Variants in HSPG2 observed in about 807,000 individuals in gnomAD.
The protein encoded by HSPG2 is heparan sulfate proteoglycan 2.
A neutral mutation model predicts 526.6 loss-of-function variants in HSPG2; 278 were observed. That is an observed-to-expected ratio of 0.53 (90% confidence interval 0.48 to 0.58). The LOEUF is 0.58. Among genes scored for constraint, HSPG2 ranks in the 20% least tolerant of loss-of-function variants. HSPG2 has a pLI of 0.00. For missense variants in HSPG2, 5,354 were observed against 6,099.5 expected (o/e 0.88, Z 4.07); for synonymous variants, 2,465 against 2,555.4 (o/e 0.96, Z 1.07).
intron 1 of HSPG2, among the ~76,000 whole-genome samples, chr1:21,930,563 C>G (rs1044600867): frequency 6.6e-5 from 10 of 152,254 alleles, no homozygotes; most frequent in East Asian, 5.8e-4. Flanking sequence ...CACTTGAGGT[C>G]AGGAGTTCAA....
At chr1:21,896,410 A>G (rs1642750969) in intron 1 of HSPG2, 100 bp from the exon 2 acceptor site, 1 of 1,409,102 alleles carries the variant, frequency 7.1e-7, no homozygotes, top group African/African-American at 1.4e-5. Context: ...TCCCACCTTC[A>G]GGCCCCTTAG....
At position 21,826,612 on chromosome 1, in the gene HSPG2, C is replaced by G. The variant is rs562436913; in HGVS notation, c.12589+1251G>C. On this transcript the variant is annotated intron_variant, in intron 91 of 96. Transcript: ENST00000374695. ...GCAACCTCCACCTCCCAGGTTCAAG[C>G]GATTCTCCTGCCTCAGCCTCCGGAG... Among the ~76,000 whole-genome samples the G allele has an allele frequency of 5.3e-5, 8 of 152,090 alleles. No homozygotes were observed. In the East Asian group the frequency reaches 1.6e-3, roughly 30 times the overall value.
chr1:21,873,902 A>G (rs1297609608), intron 29 of HSPG2, 23 bp downstream of exon 29: 3 of 1,545,436 alleles, frequency 1.9e-6, no homozygotes, highest in Non-Finnish European at 2.6e-6. Context: ...GCATCCCCCC[A>G]CCCTCTCCAC....
rs751619603 is a variant in HSPG2 at position 21,850,424 on chromosome 1, G to A, written c.7233C>T (p.Gly2411=). The A allele has an allele frequency of 9.9e-6, 16 of 1,611,596 alleles. No individual in the cohort carries two copies. Among genetic ancestry groups the A allele is most frequent in the Admixed American group, 1.7e-5 (1 of 59,822 alleles). The change falls in exon 56 of 97, where the codon GGC becomes GGT. Residue 2411 remains glycine, a synonymous_variant. Transcript: ENST00000374695. ...CAGAGGCCTCTAGAGGCACGGAGCT[G>A]CCCAACACTCGGCACACGTACTCGC... is the stretch of plus-strand genomic sequence containing the variant. The part of the protein sequence containing the change: ...DSGEYVCRVL[G]SSVPLEASVL...
chr1:21,882,442 C>CACACAG (rs1218003388), intron 13 of HSPG2, among the ~76,000 whole-genome samples: 2 of 146,876 alleles, frequency 1.4e-5, no homozygotes, highest in African/African-American at 5.0e-5. Context: ...CACACACACA[C>CACACAG]AGTCACCCTA....
At chr1:21,868,905 G>A (rs914646014) in intron 33 of HSPG2, 32 of 982,402 alleles carry the variant, frequency 3.3e-5, no homozygotes, top group African/African-American at 2.8e-4. Flanking sequence ...AGGAAGGCCC[G>A]GGGCAGCTGC....
Position 21,823,428 on chromosome 1 carries a change from C to T in HSPG2, c.13064G>A (p.Cys4355Tyr). The T allele has an allele frequency of 1.3e-6, 2 of 1,589,060 alleles. No homozygotes were observed. The highest frequency in any genetic ancestry group is 1.7e-6 in the Non-Finnish European group (2 of 1,172,328). ...GGRFSSGITG[C>Y]VKNLVLHSAR... is the part of the protein sequence containing the mutation. Reference sequence around the variant, plus strand: ...CGAGTGCAGCACCAGGTTCTTGACACAGCCTGTGATGCCTGAGGAGAATCT... The same window carrying T: ...CGAGTGCAGCACCAGGTTCTTGACATAGCCTGTGATGCCTGAGGAGAATCT... The change falls in exon 97 of 97, where the codon TGT becomes TAT. Residue 4355 changes from cysteine to tyrosine, a missense_variant. Physicochemically the swap from Cys to Tyr is radical, Grantham distance 194 (BLOSUM62 -2). Transcript: ENST00000374695.
chr1:21,936,561 C>G (rs1557847575), intron 1 of HSPG2, among the ~76,000 whole-genome samples: 3 of 152,202 alleles, frequency 2.0e-5, no homozygotes, highest in Admixed American at 6.5e-5. Context: ...TGCCCCAGGT[C>G]ACACAGTTAC....
Position 21,824,379 on chromosome 1 carries a change from GC to G in HSPG2, c.12745-4del, listed in dbSNP as rs2097962589. The G allele has an allele frequency of 6.2e-7, 1 of 1,613,818 alleles. No individual in the cohort carries two copies. Among genetic ancestry groups the G allele is most frequent in the African/African-American group, 1.3e-5 (1 of 75,062 alleles). On this transcript the variant is annotated splice_polypyrimidine_tract_variant and splice_region_variant and intron_variant, in intron 93 of 96. Coordinates refer to ENST00000374695, the MANE Select transcript of HSPG2 (RefSeq NM_005529.7). This position sits in a 1 kb window ranked among gnomAD's most constrained non-coding sequence, Gnocchi z 5.9. ...CCTTGGCCGGCCTCTCCCACCTCCT[GC>G]CAGGGAAGCACAGGGTCTCTGGGGT...
In HSPG2 at chr1:21,843,337, G is replaced by C. The variant is rs532659701; in HGVS notation, c.8718C>G (p.Val2906=). Residue 2906 remains valine (V), a synonymous_variant, in exon 66 of 97, where the codon GTC becomes GTG. Coordinates refer to ENST00000374695, the MANE Select transcript of HSPG2 (RefSeq NM_005529.7). The part of the protein sequence containing the change: ...TGSSGTLEAS[V]LVTIEPSSPG... ...GGCTGGAGGGCTCAATTGTGACCAG[G>C]ACAGATGCCTCCAGGGTGCCTGAGC... 9.4e-5 allele frequency: 151 copies of C among 1,614,126 alleles called. 1 individual carries two copies. The Admixed American group carries it at 2.5e-3, about 26-fold the overall frequency.
chr1:21,872,499 A>G lies in HSPG2; in HGVS notation c.4029+121T>C. On this transcript the variant is annotated intron_variant, in intron 32 of 96. Coordinates refer to ENST00000374695, the MANE Select transcript of HSPG2 (RefSeq NM_005529.7). The surrounding 1 kb of genome is among the most constrained non-coding windows in gnomAD (Gnocchi z 5.5). ...TGTTGAGATCAGGACTGCGAGAGAA[A>G]TAATGGGGGCATGTGAGGGTACTGA... 5.7e-6 allele frequency: 8 copies of G among 1,415,904 alleles called. No individual in the cohort carries two copies. Among genetic ancestry groups the G allele is most frequent in the Non-Finnish European group, 7.8e-6 (8 of 1,025,710 alleles). The allele number at this position is 1,415,904 out of a possible 1,614,324, so 87.7% of individuals were successfully genotyped here. A position where few individuals can be genotyped will look rare whatever the true frequency, so the allele number is the denominator to read the frequency against.
chr1:21,863,011 G>A (rs1639920877), intron 37 of HSPG2, among the ~76,000 whole-genome samples: 2 of 132,988 alleles, frequency 1.5e-5, no homozygotes, highest in African/African-American at 2.8e-5. Flanking sequence ...AGTGAGCCGA[G>A]ATTGTGCCAT....
chr1:21,878,894 G>T, intron 18 of HSPG2, 100 bp downstream of exon 18: 2 of 1,433,624 alleles, frequency 1.4e-6, no homozygotes, highest in South Asian at 1.2e-5. Flanking sequence ...TGATCAGGTA[G>T]AGATCTGAAT....
Position 21,855,290 on chromosome 1 carries a change from GC to G in HSPG2, c.5997+13del, listed in dbSNP as rs529255698. ...CTGTGGGCCTCCTCCTCCTGGGTGG[GC>G]CCATCTCCTCACCTGTGGTGGGAGG... On this transcript the variant is annotated intron_variant, in intron 47 of 96. Transcript: ENST00000374695. 3.9e-4 allele frequency: 627 copies of G among 1,597,592 alleles called. 1 individual carries two copies. The African/African-American group carries it at 6.5e-3, about 17-fold the overall frequency.
rs755238281 is a variant in HSPG2, at chr1:21,829,349, G to A, written c.11992+34C>T. On this transcript the variant is annotated intron_variant, in intron 87 of 96. Transcript: ENST00000374695. Reference sequence around the variant, plus strand: ...AGCCGAGGGGGGCACAAGGCTTGGTGTGCAGAGCCCCGCATTTGGTGCTGG... The same window carrying A: ...AGCCGAGGGGGGCACAAGGCTTGGTATGCAGAGCCCCGCATTTGGTGCTGG... 7.5e-6 allele frequency: 12 copies of A among 1,598,574 alleles called. No individual in the cohort carries two copies. The Admixed American group carries it at 8.3e-5, about 11-fold the overall frequency.
At position 21,887,089 on chromosome 1, in the gene HSPG2, C is replaced by G. The variant is rs1641949277; in HGVS notation, c.1078+126G>C. ...CAGCCAGGGAGAGCAAACAAACAGG[C>G]TTGGGGGACTGGGGAGGGGGGAAAG... On this transcript the variant is annotated intron_variant, in intron 9 of 96. Coordinates refer to ENST00000374695, the MANE Select transcript of HSPG2 (RefSeq NM_005529.7). The surrounding 1 kb of genome is among the most constrained non-coding windows in gnomAD (Gnocchi z 5.0). The G allele has an allele frequency of 1.0e-6, 1 of 975,258 alleles. No homozygotes were observed. The highest frequency in any genetic ancestry group is 1.5e-6 in the Non-Finnish European group (1 of 683,926). 60.4% of individuals were successfully genotyped at this position (975,258 alleles called of 1,614,324 possible).
At chr1:21,835,808 AC>A (rs2152698332) in intron 75 of HSPG2, among the ~76,000 whole-genome samples, 171 bp from the exon 76 acceptor site, 1 of 152,156 alleles carries the variant, frequency 6.6e-6, no homozygotes, top group South Asian at 2.1e-4. Flanking sequence ...ACATGGTGAA[AC>A]CCTGTTTCTA....
At chr1:21,915,240 G>A (rs1643864165) in intron 1 of HSPG2, among the ~76,000 whole-genome samples, 1 of 152,246 alleles carries the variant, frequency 6.6e-6, no homozygotes, top group Non-Finnish European at 1.5e-5. Flanking sequence ...ACCGCTAAGG[G>A]GCCCAGGCAG....
At chr1:21,827,216 A>G (rs1433971100) in intron 91 of HSPG2, among the ~76,000 whole-genome samples, 1 of 152,158 alleles carries the variant, frequency 6.6e-6, no homozygotes, top group Non-Finnish European at 1.5e-5. Flanking sequence ...TTAAAAAAAA[A>G]TGCACTAAGT....
Sources: allele counts gnomAD v4.1 joint callset (sites outside exome capture counted in the v4.1 genomes callset), GRCh38; gene constraint gnomAD v4.1.1; non-coding constraint Gnocchi (gnomAD v3.1); transcripts MANE v1.5; gene names NCBI Gene and HGNC (gene_info 2026-07-23, HGNC 2026-07-21).